CPS1: variants seen among roughly 807,000 people sequenced by gnomAD.
CPS1 encodes carbamoyl-phosphate synthase [ammonia], mitochondrial.
A neutral mutation model predicts 174.6 loss-of-function variants in CPS1; 109 were observed. That is an observed-to-expected ratio of 0.62 (90% confidence interval 0.53 to 0.73). The LOEUF (loss-of-function observed/expected upper bound fraction) is 0.73. Ranked by LOEUF, CPS1 falls within the 30% of genes least tolerant of loss-of-function variation. CPS1 has a pLI of 0.00. For synonymous variants in CPS1, 637 were observed against 632.0 expected, an observed-to-expected ratio of 1.01 and a Z score of -0.12; for missense variants, 1,689 against 1,821.9, an observed-to-expected ratio of 0.93 and a Z score of 1.33.
chr2:210,572,721 G>T (rs1697543828), intron 1 of CPS1, among the ~76,000 whole-genome samples: 1 of 152,038 alleles, frequency 6.6e-6, no homozygotes, highest in Non-Finnish European at 1.5e-5. Context: ...TTGGTTTTGT[G>T]TCAGCATTAA....
At chr2:210,638,996 T>A (rs1164099515) in intron 22 of CPS1, among the ~76,000 whole-genome samples, 154 bp from the exon 23 acceptor site, 1 of 152,164 alleles carries the variant, frequency 6.6e-6, no homozygotes, top group Non-Finnish European at 1.5e-5. Context: ...ATTTTCAGAA[T>A]TAGAAAGCAA....
chr2:210,635,555 T>G (rs1373451170), intron 21 of CPS1, among the ~76,000 whole-genome samples: 1 of 152,192 alleles, frequency 6.6e-6, no homozygotes, highest in Non-Finnish European at 1.5e-5. Context: ...TAGCTCTAAA[T>G]TTTTGGTCTT....
At chr2:210,575,204 G>A (rs941834287) in intron 2 of CPS1, among the ~76,000 whole-genome samples, 2 of 152,032 alleles carry the variant, frequency 1.3e-5, no homozygotes, top group African/African-American at 2.4e-5. Flanking sequence ...TCTGGTAGGC[G>A]TTAGTCTGGA....
rs761912505 is a variant in CPS1, at chr2:210,579,699, AT to A, written c.472-8del. The A allele has an allele frequency of 1.2e-6, 2 of 1,608,660 alleles. No individual in the cohort carries two copies. Among genetic ancestry groups the A allele is most frequent in the African/African-American group, 1.3e-5 (1 of 74,908 alleles). On this transcript the variant is annotated splice_polypyrimidine_tract_variant and intron_variant, in intron 4 of 37. Transcript: ENST00000233072. ...CTCCTCCAATTTCACTGTCACTACA[AT>A]TTTTTTCTTATAGGTTCCTGCAATT... is the stretch of plus-strand genomic sequence containing the variant.
chr2:210,594,539 A>G lies in CPS1; in HGVS notation c.1196A>G (p.Lys399Arg), dbSNP rs1698418398. The G allele has an allele frequency of 6.2e-7, 1 of 1,611,222 alleles. No individual in the cohort carries two copies. Among genetic ancestry groups the G allele is most frequent in the Admixed American group, 1.7e-5 (1 of 59,776 alleles). The stretch of plus-strand genomic sequence containing the variant: ...TTTGATTCCTTTTTCTCACTGATAA[A>G]GAAAGGAAAAGCTACCACCATTACA... Reference protein sequence around the residue: ...YLFDSFFSLIKKGKATTITSV... With the variant: ...YLFDSFFSLIRKGKATTITSV... The change falls in exon 12 of 38, where the codon AAG becomes AGG. Residue 399 changes from lysine to arginine, a missense_variant. Coordinates refer to ENST00000233072, the MANE Select transcript of CPS1 (RefSeq NM_001875.5).
Position 210,588,153 on chromosome 2 carries a change from T to A in CPS1, c.711+6T>A, listed in dbSNP as rs1698168415. ...TAATCCGCCTGCTAGTAAAGGTAAGTAATTTGTTCATTTCAAAGGTGAGGG... is the reference window on the plus strand; with the variant it reads ...TAATCCGCCTGCTAGTAAAGGTAAGAAATTTGTTCATTTCAAAGGTGAGGG... On this transcript the variant is annotated splice_donor_region_variant and intron_variant, in intron 7 of 37. Coordinates refer to ENST00000233072, the MANE Select transcript of CPS1 (RefSeq NM_001875.5). 4.3e-6 allele frequency: 7 copies of A among 1,610,370 alleles called. No individual in the cohort carries two copies. The highest frequency in any genetic ancestry group is 5.9e-6 in the Non-Finnish European group (7 of 1,176,950).
intron 34 of CPS1, chr2:210,674,694 T>C: frequency 1.7e-6 from 1 of 598,456 alleles, no homozygotes; most frequent in Non-Finnish European, 3.0e-6. Flanking sequence ...GGGATCAAGA[T>C]TATGTGGATG....
intron 1 of CPS1, among the ~76,000 whole-genome samples, chr2:210,522,187 A>T (rs1559060602): frequency 6.6e-6 from 1 of 151,954 alleles, no homozygotes; most frequent in South Asian, 2.1e-4. Flanking sequence ...TCTGCAGATC[A>T]CCAAAGTTCT....
chr2:210,486,159 C>CACAA (rs1574459679), intron 1 of CPS1, among the ~76,000 whole-genome samples: 1 of 127,930 alleles, frequency 7.8e-6, no homozygotes, highest in Non-Finnish European at 1.7e-5. Flanking sequence ...CACACACACA[C>CACAA]CCTGTATATA....
intron 1 of CPS1, among the ~76,000 whole-genome samples, chr2:210,546,518 T>G (rs1344779810): frequency 6.6e-6 from 1 of 152,110 alleles, no homozygotes; most frequent in Admixed American, 6.6e-5. Context: ...ATACATAAAG[T>G]TCATTAAAAG....
At chr2:210,596,385 G>A (rs962135715) in intron 13 of CPS1, among the ~76,000 whole-genome samples, 14 of 151,904 alleles carry the variant, frequency 9.2e-5, no homozygotes, top group Middle Eastern at 3.2e-3. Context: ...GACCAGGCTA[G>A]TAGAGTCAGC....
At chr2:210,543,894 C>T (rs3914067) in intron 1 of CPS1, among the ~76,000 whole-genome samples, 60,685 of 151,732 alleles carry the variant, frequency 0.4, 12,377 homozygotes, top group Middle Eastern at 0.52. Context: ...GAATCACTTC[C>T]CCCCCTCCCG....
intron 1 of CPS1, among the ~76,000 whole-genome samples, chr2:210,516,418 C>T (rs537998803): frequency 2.6e-5 from 4 of 151,920 alleles, no homozygotes; most frequent in South Asian, 2.1e-4. Context: ...AATTTAATTG[C>T]GCCTTTTCCT....
At chr2:210,527,209 C>G (rs1479919895) in intron 1 of CPS1, among the ~76,000 whole-genome samples, 4 of 151,846 alleles carry the variant, frequency 2.6e-5, no homozygotes, top group African/African-American at 9.7e-5. Context: ...AACACCTATA[C>G]TAAGTTGATC....
chr2:210,626,731 G>T (rs1267114346), intron 21 of CPS1, among the ~76,000 whole-genome samples: 5 of 152,102 alleles, frequency 3.3e-5, no homozygotes, highest in Admixed American at 2.0e-4. Context: ...CATTTTCTGA[G>T]AAGTTTTTGT....
rs909707217 is a variant in CPS1 at position 210,600,411 on chromosome 2, T to G, written c.1550-144T>G. 3 of 715,424 alleles carry G rather than the reference T, an allele frequency of 4.2e-6. No homozygotes were observed. In the African/African-American group the frequency reaches 5.4e-5, roughly 13 times the overall value. 44.3% of individuals were successfully genotyped at this position (715,424 alleles called of 1,614,324 possible). ...ACCGTCTTCAGAATTTTTATTTCAA[T>G]TTTTTTCCCTAAGTGCAATTCTATT... On this transcript the variant is annotated intron_variant, in intron 14 of 37. Transcript: ENST00000233072.
intron 1 of CPS1, among the ~76,000 whole-genome samples, chr2:210,487,569 G>A (rs1694763316): frequency 6.6e-6 from 1 of 152,156 alleles, no homozygotes. Flanking sequence ...GAGGGGTGAG[G>A]ACTTTGGTGG....
At chr2:210,641,034 C>A (rs981942589) in intron 24 of CPS1, among the ~76,000 whole-genome samples, 1 of 152,166 alleles carries the variant, frequency 6.6e-6, no homozygotes, top group Non-Finnish European at 1.5e-5. Context: ...GCGCCTTAAA[C>A]CTTGTGCCTC....
At chr2:210,600,767 G>A (rs967332339) in intron 15 of CPS1, 55 bp downstream of exon 15, 16 of 1,576,300 alleles carry the variant, frequency 1.0e-5, no homozygotes, top group African/African-American at 2.7e-5. Context: ...GTGTTGTAGG[G>A]AGAATGATTT....
Sources: gnomAD v4.1 joint callset for allele counts (sites outside exome capture counted in the v4.1 genomes callset) on GRCh38, gnomAD v4.1.1 for gene constraint, MANE v1.5 for transcripts, NCBI Gene and HGNC (gene_info 2026-07-23, HGNC 2026-07-21) for gene names.